Variants in MRTFB observed in about 807,000 individuals in gnomAD.
MRTFB encodes the protein myocardin related transcription factor B.
Under a neutral mutation model 104.2 loss-of-function variants are expected in MRTFB, and 29 were observed. That is an observed-to-expected ratio of 0.28 (90% CI 0.21 to 0.38). The LOEUF (loss-of-function observed/expected upper bound fraction) is 0.38. Among genes scored for constraint, MRTFB ranks in the 10% least tolerant of loss-of-function variants. The probability of loss-of-function intolerance (pLI) is 1.00; values close to 1 mark genes in which losing one functional copy is unlikely to be tolerated. For synonymous variants in MRTFB, 535 were observed against 519.5 expected, an observed-to-expected ratio of 1.03 and a Z score of -0.41; for missense variants, 1,270 against 1,341.6, an observed-to-expected ratio of 0.95 and a Z score of 0.83.
rs78875628 is a variant in MRTFB at position 14,224,750 on chromosome 16, A to G, written c.693+5752A>G. 4.3e-3 allele frequency among the ~76,000 whole-genome samples: 658 copies of G among 152,332 alleles called. 1 individual carries two copies. The highest frequency in any genetic ancestry group is 0.015 in the African/African-American group (628 of 41,580). On this transcript the variant is annotated intron_variant, in intron 8 of 16. Transcript: ENST00000571589. ...ATATCCAGCAAAATTGTTTTCAAAA[A>G]TAAAGGAGAAATTAAAACATTCCCA... is the stretch of plus-strand genomic sequence containing the variant.
chr16:14,001,517 C>T, the MRTFB span, among the ~76,000 whole-genome samples: 1 of 152,234 alleles, frequency 6.6e-6, no homozygotes. Flanking sequence ...GAGGTGGGTC[C>T]AGTCTGCTCA....
intron 1 of MRTFB, among the ~76,000 whole-genome samples, chr16:14,071,780 A>T (rs1168762838): frequency 6.6e-6 from 1 of 152,072 alleles, no homozygotes; most frequent in Non-Finnish European, 1.5e-5. Context: ...AGGCGGTGGG[A>T]GGGGACCGGG....
Position 14,264,990 on chromosome 16 carries a change from T to C in MRTFB, c.*3546T>C, listed in dbSNP as rs755168890. On this transcript the variant is annotated 3_prime_UTR_variant, in exon 17 of 17. Transcript: ENST00000571589. Reference sequence around the variant, plus strand: ...ACAAGTGATGAGATAGTCCCTTTACTGTCCTCAAATGGACTTGGCCTTAGA... The same window carrying C: ...ACAAGTGATGAGATAGTCCCTTTACCGTCCTCAAATGGACTTGGCCTTAGA... 3.9e-5 allele frequency: 6 copies of C among 152,242 alleles called. No homozygotes were observed. The highest frequency in any genetic ancestry group is 8.8e-5 in the Non-Finnish European group (6 of 68,044). The allele number at this position is 152,242 out of a possible 1,614,324, so 9.4% of individuals were successfully genotyped here.
Position 14,266,333 on chromosome 16 carries a change from T to C in MRTFB, c.*4889T>C, listed in dbSNP as rs1389749563. The C allele has an allele frequency of 6.6e-6, 1 of 152,228 alleles. No individual in the cohort carries two copies. Among genetic ancestry groups the C allele is most frequent in the African/African-American group, 2.4e-5 (1 of 41,454 alleles). The allele number at this position is 152,228 out of a possible 1,614,324, so 9.4% of individuals were successfully genotyped here. A position where few individuals can be genotyped will look rare whatever the true frequency, so the allele number is the denominator to read the frequency against. On this transcript the variant is annotated 3_prime_UTR_variant, in exon 17 of 17. Coordinates refer to ENST00000571589, the MANE Select transcript of MRTFB (RefSeq NM_001308142.2). ...GTAGAAATTAGTTTTCTTTTCTTGC[T>C]TGCAATAGAAATGCAATGTGATAGG...
At chr16:14,151,248 A>C (rs2038599965) in intron 3 of MRTFB, 2 of 152,198 alleles carry the variant, frequency 1.3e-5, no homozygotes, top group African/African-American at 4.8e-5. Flanking sequence ...AGATTTGTGT[A>C]TATTTTATGG....
At chr16:14,228,529 T>C (rs2042110250) in intron 8 of MRTFB, among the ~76,000 whole-genome samples, 1 of 151,930 alleles carries the variant, frequency 6.6e-6, no homozygotes, top group African/African-American at 2.4e-5. Flanking sequence ...TGAGCCAAGA[T>C]TGCGCCACTG....
chr16:14,200,099 T>C (rs2040615024), intron 3 of MRTFB: 1 of 572,708 alleles, frequency 1.7e-6, no homozygotes, highest in Non-Finnish European at 3.0e-6. Context: ...AGTGACCTTA[T>C]CAAAGTTTTA....
chr16:14,121,235 A>AT (rs2142291156), intron 2 of MRTFB, among the ~76,000 whole-genome samples: 1 of 134,928 alleles, frequency 7.4e-6, no homozygotes, highest in African/African-American at 2.8e-5. Context: ...CTTTAGGCTT[A>AT]TTTTTTCCCC....
At chr16:14,121,770 G>A (rs2036857183) in intron 2 of MRTFB, among the ~76,000 whole-genome samples, 1 of 152,122 alleles carries the variant, frequency 6.6e-6, no homozygotes, top group Admixed American at 6.5e-5. Flanking sequence ...CCCCCATAGA[G>A]TTTTCTGCAA....
At chr16:14,032,697 C>T in the MRTFB span, among the ~76,000 whole-genome samples, 1,081 of 152,228 alleles carry the variant, frequency 7.1e-3, 12 homozygotes, top group Non-Finnish European at 0.011. Flanking sequence ...TCTTATGGAT[C>T]TGGGCCCTTA....
intron 2 of MRTFB, among the ~76,000 whole-genome samples, chr16:14,089,379 A>G (rs1672837782): frequency 6.6e-6 from 1 of 152,346 alleles, no homozygotes; most frequent in East Asian, 1.9e-4. Flanking sequence ...TGTTCTGGAC[A>G]TGCCATGTAA....
At chr16:14,005,072 C>T in the MRTFB span, among the ~76,000 whole-genome samples, 1 of 152,272 alleles carries the variant, frequency 6.6e-6, no homozygotes, top group Non-Finnish European at 1.5e-5. Flanking sequence ...CATCCAGATC[C>T]TCACACACCA....
chr16:14,072,934 C>A (rs1158664135), intron 1 of MRTFB, among the ~76,000 whole-genome samples: 2 of 152,080 alleles, frequency 1.3e-5, no homozygotes, highest in African/African-American at 4.8e-5. Context: ...CTAACAATTA[C>A]CATTGGTAAT....
In MRTFB at chr16:14,232,876, A is replaced by G. The variant is rs1246757712; in HGVS notation, c.694-1270A>G. On this transcript the variant is annotated intron_variant, in intron 8 of 16. Coordinates refer to ENST00000571589, the MANE Select transcript of MRTFB (RefSeq NM_001308142.2). The stretch of plus-strand genomic sequence containing the variant: ...GAAAAATACAGTTTGCTATTTTAAA[A>G]TGCAAATACTTTAACAAGATTTTGA... 3.9e-5 allele frequency among the ~76,000 whole-genome samples: 6 copies of G among 152,268 alleles called. No homozygotes were observed. In the East Asian group the frequency reaches 7.7e-4, roughly 19 times the overall value.
intron 2 of MRTFB, among the ~76,000 whole-genome samples, chr16:14,080,681 G>GGT (rs1316505073): frequency 6.6e-6 from 1 of 151,830 alleles, no homozygotes; most frequent in Admixed American, 6.6e-5. Context: ...TAACGCCTCT[G>GGT]GTAACCATCA....
chr16:14,216,118 A>G (rs1185488490), intron 6 of MRTFB, among the ~76,000 whole-genome samples: 1 of 152,268 alleles, frequency 6.6e-6, no homozygotes, highest in Non-Finnish European at 1.5e-5. Flanking sequence ...ACTTTTGGCA[A>G]GCATACAGCT....
intron 2 of MRTFB, among the ~76,000 whole-genome samples, chr16:14,118,346 T>C (rs2036653664): frequency 6.6e-6 from 1 of 151,514 alleles, no homozygotes; most frequent in African/African-American, 2.4e-5. Context: ...TTTGCCATGT[T>C]GCCCAGTCTG....
intron 16 of MRTFB, among the ~76,000 whole-genome samples, chr16:14,260,399 A>G (rs1048519487): frequency 2.0e-5 from 3 of 152,164 alleles, no homozygotes; most frequent in African/African-American, 7.2e-5. Context: ...CTCTTTCATA[A>G]CATTGAGGAT....
At chr16:14,032,489 A>T in the MRTFB span, among the ~76,000 whole-genome samples, 133,859 of 152,246 alleles carry the variant, frequency 0.88, 58,990 homozygotes, top group Non-Finnish European at 0.9. Context: ...CATAAACCAG[A>T]AACGTACATA....
Sources: gnomAD v4.1 joint callset for allele counts (sites outside exome capture counted in the v4.1 genomes callset) on GRCh38, gnomAD v4.1.1 for gene constraint, MANE v1.5 for transcripts, NCBI Gene and HGNC (gene_info 2026-07-23, HGNC 2026-07-21) for gene names.